Variants in TENT2 observed in about 807,000 individuals in gnomAD.
TENT2 encodes poly(A) RNA polymerase GLD2.
Under a neutral mutation model 72.2 loss-of-function variants are expected in TENT2, and 44 were observed. The ratio of observed to expected loss-of-function variants is 0.61; its 90% CI spans 0.48 to 0.78. TENT2 has a LOEUF of 0.78. TENT2 is among the 30% of genes least tolerant of loss of function. The probability of loss-of-function intolerance (pLI) is 0.00; values close to 1 mark genes in which losing one functional copy is unlikely to be tolerated. For synonymous variants in TENT2, 212 were observed against 192.5 expected (o/e 1.10, Z -0.84); for missense variants, 541 against 569.6 (o/e 0.95, Z 0.51).
chr5:79,630,038 GGC>G (rs1482021999), intron 4 of TENT2, among the ~76,000 whole-genome samples: 1 of 152,188 alleles, frequency 6.6e-6, no homozygotes, highest in East Asian at 1.9e-4. Context: ...GGGAGGCTGA[GGC>G]GGGAGAATTG....
chr5:79,677,925 T>C (rs1180393799), intron 12 of TENT2, among the ~76,000 whole-genome samples: 1 of 152,206 alleles, frequency 6.6e-6, no homozygotes, highest in Non-Finnish European at 1.5e-5. Context: ...CTCAGCCTCC[T>C]GAGTAGCTGG....
chr5:79,617,724 C>G (rs1761443543), intron 1 of TENT2: 1 of 152,130 alleles, frequency 6.6e-6, no homozygotes, highest in African/African-American at 2.4e-5. Context: ...GATAGTACAG[C>G]TAGGTATAGA....
chr5:79,687,439 T>C lies in TENT2; in HGVS notation c.*2166T>C, dbSNP rs866081489. ...CTCTTCAGATACCAAAATCCACAGA[T>C]ACTCAAGTCCCTTATATAAAATGGT... On this transcript the variant is annotated 3_prime_UTR_variant, in exon 15 of 15. Coordinates refer to ENST00000453514, the MANE Select transcript of TENT2 (RefSeq NM_001114394.3). Among the ~76,000 whole-genome samples, 2 of 152,332 alleles carry C rather than the reference T, an allele frequency of 1.3e-5. No individual in the cohort carries two copies. Among genetic ancestry groups the C allele is most frequent in the Middle Eastern group, 3.4e-3 (1 of 294 alleles).
At position 79,621,781 on chromosome 5, in the gene TENT2, A is replaced by AG. The variant is rs1554074085; in HGVS notation, c.228-1471_228-1470insG. 6.0e-5 allele frequency among the ~76,000 whole-genome samples: 9 copies of AG among 148,832 alleles called. No homozygotes were observed. In the East Asian group the frequency reaches 1.8e-3, roughly 29 times the overall value. On this transcript the variant is annotated intron_variant, in intron 3 of 14. Coordinates refer to ENST00000453514, the MANE Select transcript of TENT2 (RefSeq NM_001114394.3). ...TCAAAAAAAAAAAAAAACAAAAAAA[A>AG]CAAAACTCCATTAATTTGTAGTTAA...
chr5:79,661,031 A>G (rs1406365923), intron 11 of TENT2, among the ~76,000 whole-genome samples: 2 of 152,184 alleles, frequency 1.3e-5, no homozygotes, highest in African/African-American at 4.8e-5. Flanking sequence ...ATCTTATAGA[A>G]TAAGGATATA....
Position 79,682,047 on chromosome 5 carries a change from G to A in TENT2, c.1366G>A (p.Asp456Asn), listed in dbSNP as rs1822382992. ...HEKQKFDMIK[D>N]QFLKSWHRLK... ...AAAGCAGAAATTTGATATGATCAAG[G>A]ATCAATTTTTAAAGGTAAACAATGC... The change falls in exon 14 of 15, where the codon GAT (aspartate) becomes AAT (asparagine). Residue 456 changes from aspartate (D) to asparagine (N), a missense_variant. Coordinates refer to ENST00000453514, the MANE Select transcript of TENT2 (RefSeq NM_001114394.3). 1 of 1,612,328 alleles carries A rather than the reference G, an allele frequency of 6.2e-7. No individual in the cohort carries two copies. Among genetic ancestry groups the A allele is most frequent in the African/African-American group, 1.3e-5 (1 of 74,862 alleles).
At chr5:79,683,522 A>G (rs1479722046) in intron 14 of TENT2, among the ~76,000 whole-genome samples, 1 of 152,158 alleles carries the variant, frequency 6.6e-6, no homozygotes, top group Non-Finnish European at 1.5e-5. Context: ...TTTCAAATAA[A>G]TAAATAAATA....
chr5:79,629,822 G>C (rs1773706627), intron 4 of TENT2, among the ~76,000 whole-genome samples: 1 of 138,610 alleles, frequency 7.2e-6, no homozygotes, highest in Non-Finnish European at 1.5e-5. Context: ...GTGAGACTCT[G>C]TCTCAAAAAA....
intron 1 of TENT2, chr5:79,614,932 T>A (rs1758389754): frequency 6.6e-6 from 1 of 152,196 alleles, no homozygotes; most frequent in Non-Finnish European, 1.5e-5. Context: ...CTAGATGTCT[T>A]TCAGAATACC....
In TENT2 at chr5:79,685,373, T is replaced by C. The variant is rs1235233170; in HGVS notation, c.*100T>C. On this transcript the variant is annotated 3_prime_UTR_variant, in exon 15 of 15. Transcript: ENST00000453514. ...TCCATCATAGTTGCTTTTTTCATAG[T>C]TCTTGTTTTCATGTTTTATTTTTAA... The C allele has an allele frequency of 2.6e-6, 2 of 768,776 alleles. No homozygotes were observed. Among genetic ancestry groups the C allele is most frequent in the Non-Finnish European group, 4.0e-6 (2 of 500,004 alleles). The allele number at this position is 768,776 out of a possible 1,614,324, so 47.6% of individuals were successfully genotyped here. A position where few individuals can be genotyped will look rare whatever the true frequency, so the allele number is the denominator to read the frequency against.
rs78591383 is a variant in TENT2, at chr5:79,624,585, C to T, written c.465+1096C>T. ...TACCCAATAACAGTCACTTCTCCTG[C>T]TCCCTGGCAACAACTAATCTATTTT... On this transcript the variant is annotated intron_variant, in intron 4 of 14. Coordinates refer to ENST00000453514, the MANE Select transcript of TENT2 (RefSeq NM_001114394.3). Among the ~76,000 whole-genome samples the T allele has an allele frequency of 5.1e-3, 782 of 152,290 alleles. 3 individuals carry two copies. Among genetic ancestry groups the T allele is most frequent in the African/African-American group, 0.018 (735 of 41,568 alleles).
At chr5:79,679,195 C>T (rs995109820) in intron 12 of TENT2, among the ~76,000 whole-genome samples, 29 of 152,066 alleles carry the variant, frequency 1.9e-4, no homozygotes, top group African/African-American at 6.3e-4. Flanking sequence ...TGAGCCTCTG[C>T]GCCCAGCCTG....
rs1345839333 is a variant in TENT2 at position 79,645,151 on chromosome 5, T to A, written c.780T>A (p.Ile260=). 1 of 1,608,948 alleles carries A rather than the reference T, an allele frequency of 6.2e-7. No individual in the cohort carries two copies. Among genetic ancestry groups the A allele is most frequent in the Non-Finnish European group, 8.5e-7 (1 of 1,177,770 alleles). Reference sequence around the variant, plus strand: ...GCTACATTGAGAGACCTCAGCTGATTCGAGCAAAAGTGCCAATTGTGAAGT... The same window carrying A: ...GCTACATTGAGAGACCTCAGCTGATACGAGCAAAAGTGCCAATTGTGAAGT... ...LSGYIERPQL[I]RAKVPIVKFR... Residue 260 remains isoleucine (I), a synonymous_variant, in exon 8 of 15, where the codon ATT becomes ATA. Coordinates refer to ENST00000453514, the MANE Select transcript of TENT2 (RefSeq NM_001114394.3).
intron 1 of TENT2, chr5:79,617,653 G>A (rs1364525190): frequency 6.6e-6 from 1 of 151,910 alleles, no homozygotes; most frequent in Non-Finnish European, 1.5e-5. Flanking sequence ...TAGATTCCAG[G>A]TTTTCTTTTT....
intron 4 of TENT2, 21 bp from the exon 5 acceptor site, chr5:79,640,830 T>C: frequency 1.3e-6 from 2 of 1,544,794 alleles, no homozygotes; most frequent in East Asian, 4.5e-5. Flanking sequence ...AACTTTTACT[T>C]TTTTTTGCGG....
At chr5:79,682,291 C>G (rs1471879542) in intron 14 of TENT2, among the ~76,000 whole-genome samples, 2 of 151,888 alleles carry the variant, frequency 1.3e-5, no homozygotes, top group African/African-American at 4.8e-5. Context: ...TTTCTCTTTT[C>G]TTTTTGAGAC....
chr5:79,661,339 A>G (rs769516986), intron 11 of TENT2, among the ~76,000 whole-genome samples: 1 of 152,102 alleles, frequency 6.6e-6, no homozygotes, highest in Non-Finnish European at 1.5e-5. Context: ...ACTGTTTTTT[A>G]TCTTTTATAC....
Position 79,684,400 on chromosome 5 carries a change from C to T in TENT2, c.1381-799C>T, listed in dbSNP as rs536641653. Among the ~76,000 whole-genome samples, 9 of 152,164 alleles carry T rather than the reference C, an allele frequency of 5.9e-5. No homozygotes were observed. The South Asian group carries it at 1.2e-3, about 21-fold the overall frequency. ...GCCTCCTGAGTGCTGGGACTATAGG[C>T]GTGTGCCACCATACCCAGCCAATTT... On this transcript the variant is annotated intron_variant, in intron 14 of 14. Transcript: ENST00000453514.
chr5:79,646,334 C>G (rs1788993574), intron 8 of TENT2, among the ~76,000 whole-genome samples: 1 of 152,116 alleles, frequency 6.6e-6, no homozygotes, highest in South Asian at 2.1e-4. Flanking sequence ...AATAGAAGCA[C>G]AACATAAAAC....
Sources: allele counts gnomAD v4.1 joint callset (sites outside exome capture counted in the v4.1 genomes callset), GRCh38; gene constraint gnomAD v4.1.1; transcripts MANE v1.5; gene names NCBI Gene and HGNC (gene_info 2026-07-23, HGNC 2026-07-21).